The following FBN2 variants were observed in gnomAD, a reference collection of about 807,000 sequenced individuals.
The protein encoded by FBN2 is fibrillin 2.
FBN2 carries 105 observed loss-of-function variants against 355.6 expected under a neutral mutation model. The ratio of observed to expected loss-of-function variants is 0.30; its 90% CI spans 0.25 to 0.35. The LOEUF (loss-of-function observed/expected upper bound fraction) is 0.35, where lower values mean the gene tolerates loss of function less well. FBN2 is among the 10% of genes least tolerant of loss of function. FBN2 has a pLI of 1.00. For missense variants in FBN2, 3,280 were observed against 3,758.7 expected, an observed-to-expected ratio of 0.87 and a Z score of 3.33; for synonymous variants, 1,350 against 1,301.2, an observed-to-expected ratio of 1.04 and a Z score of -0.81.
chr5:128,334,122 T>C (rs1750768404), intron 31 of FBN2, among the ~76,000 whole-genome samples: 1 of 151,326 alleles, frequency 6.6e-6, no homozygotes, highest in African/African-American at 2.4e-5. Context: ...TTAGTAGTAG[T>C]AGTAGAGAAA....
Position 128,449,040 on chromosome 5 carries a change from A to G in FBN2, c.827-2434T>C, listed in dbSNP as rs370178591. ...CAGGTAAAATAAAAGTGAGATTAAA[A>G]TTCTAACCTACACACAGAAAATGAA... On this transcript the variant is annotated intron_variant, in intron 6 of 64. Transcript: ENST00000262464. 2.4e-3 allele frequency among the ~76,000 whole-genome samples: 364 copies of G among 152,068 alleles called. 1 individual carries two copies. The highest frequency in any genetic ancestry group is 7.1e-3 in the South Asian group (34 of 4,812).
intron 20 of FBN2, 137 bp downstream of exon 20, chr5:128,357,139 T>C (rs1751521302): frequency 7.4e-6 from 8 of 1,075,968 alleles, no homozygotes; most frequent in East Asian, 2.5e-5. Context: ...TATATTGATA[T>C]TGAGTAAAAA....
intron 5 of FBN2, among the ~76,000 whole-genome samples, chr5:128,480,207 A>G (rs1284982294): frequency 6.8e-6 from 1 of 147,914 alleles, no homozygotes; most frequent in Non-Finnish European, 1.5e-5. Flanking sequence ...AATGAGGTGA[A>G]GCATCTATGT....
At chr5:128,391,481 C>T (rs1752507657) in intron 11 of FBN2, among the ~76,000 whole-genome samples, 1 of 152,106 alleles carries the variant, frequency 6.6e-6, no homozygotes, top group Non-Finnish European at 1.5e-5. Flanking sequence ...GCAATGGATT[C>T]ATTGTTGTTA....
chr5:128,527,864 T>G lies in FBN2; in HGVS notation c.532+8A>C. ...TCAAATGATTTCTAATAAATCAATG[T>G]CCCTTACGTTGTCCACAATAAGTTC... On this transcript the variant is annotated splice_region_variant and intron_variant, in intron 4 of 64. Coordinates refer to ENST00000262464, the MANE Select transcript of FBN2 (RefSeq NM_001999.4). 1 of 1,547,014 alleles carries G rather than the reference T, an allele frequency of 6.5e-7. No homozygotes were observed. The highest frequency in any genetic ancestry group is 1.7e-5 in the Admixed American group (1 of 59,770).
chr5:128,377,110 G>A (rs562996827), intron 13 of FBN2, among the ~76,000 whole-genome samples: 1 of 152,272 alleles, frequency 6.6e-6, no homozygotes, highest in South Asian at 2.1e-4. Context: ...TAAACCATGA[G>A]TAGTGTTACT....
intron 6 of FBN2, among the ~76,000 whole-genome samples, chr5:128,453,101 G>T (rs11742635): frequency 0.17 from 25,545 of 152,118 alleles, 2,251 homozygotes; most frequent in Non-Finnish European, 0.21. Flanking sequence ...GTTTGATCCA[G>T]AATGAATATC....
chr5:128,293,784 T>C (rs1316402835), intron 48 of FBN2, among the ~76,000 whole-genome samples: 3 of 152,060 alleles, frequency 2.0e-5, no homozygotes, highest in Non-Finnish European at 4.4e-5. Context: ...AGATTGAGCA[T>C]GAGCAAAGAA....
chr5:128,308,027 C>A (rs1463386018), intron 41 of FBN2, among the ~76,000 whole-genome samples: 1 of 152,046 alleles, frequency 6.6e-6, no homozygotes, highest in Non-Finnish European at 1.5e-5. Flanking sequence ...TGGAAATCTT[C>A]AAATTATAAT....
chr5:128,353,198 A>G (rs913320461), intron 20 of FBN2, among the ~76,000 whole-genome samples: 1 of 152,090 alleles, frequency 6.6e-6, no homozygotes, highest in African/African-American at 2.4e-5. Flanking sequence ...TTACTTCTAA[A>G]TTCAACAACA....
At chr5:128,387,906 C>T (rs2126971630) in intron 11 of FBN2, among the ~76,000 whole-genome samples, 1 of 152,032 alleles carries the variant, frequency 6.6e-6, no homozygotes, top group East Asian at 1.9e-4. Flanking sequence ...TTGTTAGTTT[C>T]CTGCCTTGAT....
intron 64 of FBN2, 148 bp from the exon 65 acceptor site, chr5:128,259,977 G>T: frequency 1.3e-6 from 1 of 785,004 alleles, no homozygotes; most frequent in Non-Finnish European, 2.1e-6. Context: ...AGCAGTGGCT[G>T]TGAAAGAGGC....
intron 14 of FBN2, 98 bp from the exon 15 acceptor site, chr5:128,374,848 T>C (rs1356900480): frequency 2.4e-6 from 3 of 1,238,122 alleles, no homozygotes; most frequent in South Asian, 1.3e-5. Context: ...TAACCTTTTG[T>C]TTATAACTTT....
intron 34 of FBN2, chr5:128,328,322 T>G (rs769834848): frequency 8.7e-6 from 4 of 461,286 alleles, no homozygotes; most frequent in Non-Finnish European, 1.6e-5. Flanking sequence ...GAGCTTTTTA[T>G]GATTTTGATA....
rs959015743 is a variant in FBN2 at position 128,477,894 on chromosome 5, C to G, written c.629-12973G>C. ...TTTTCTGTACTAATTTATCCCTTCC[C>G]TTGTTTTAAGACTGTAACCGTTTTA... On this transcript the variant is annotated intron_variant, in intron 5 of 64. Coordinates refer to ENST00000262464, the MANE Select transcript of FBN2 (RefSeq NM_001999.4). Among the ~76,000 whole-genome samples the G allele has an allele frequency of 9.8e-5, 15 of 152,302 alleles. No homozygotes were observed. The East Asian group carries it at 2.5e-3, about 25-fold the overall frequency.
chr5:128,304,474 A>C (rs1749811810), intron 45 of FBN2, among the ~76,000 whole-genome samples: 1 of 152,254 alleles, frequency 6.6e-6, no homozygotes, highest in Non-Finnish European at 1.5e-5. Flanking sequence ...GATAAAACAC[A>C]AAATATGTAC....
chr5:128,466,896 T>C (rs752176033), intron 5 of FBN2, among the ~76,000 whole-genome samples: 1 of 152,330 alleles, frequency 6.6e-6, no homozygotes, highest in Middle Eastern at 3.4e-3. Flanking sequence ...CCTTCAGATA[T>C]AAATATTTTG....
At chr5:128,290,031 A>C (rs765329219) in intron 50 of FBN2, 84 bp from the exon 51 acceptor site, 1 of 769,298 alleles carries the variant, frequency 1.3e-6, no homozygotes, top group Non-Finnish European at 2.3e-6. Context: ...TATACATGAA[A>C]TTACACTTAA....
At chr5:128,389,747 C>G (rs955435362) in intron 11 of FBN2, among the ~76,000 whole-genome samples, 1 of 152,160 alleles carries the variant, frequency 6.6e-6, no homozygotes, top group African/African-American at 2.4e-5. Flanking sequence ...TCCAGAGACC[C>G]CTGCAAAGAG....
Sources: allele counts gnomAD v4.1 joint callset (sites outside exome capture counted in the v4.1 genomes callset), GRCh38; gene constraint gnomAD v4.1.1; transcripts MANE v1.5; gene names NCBI Gene and HGNC (gene_info 2026-07-23, HGNC 2026-07-21).